PLCB1: variants seen among roughly 807,000 people sequenced by gnomAD.
PLCB1 encodes phospholipase C beta 1.
In PLCB1, 46 loss-of-function variants were observed where a neutral mutation model predicts 161.8. That is an observed-to-expected ratio of 0.28 (90% CI 0.22 to 0.36). PLCB1 has a LOEUF of 0.36. Ranked by LOEUF, PLCB1 falls within the 10% of genes least tolerant of loss-of-function variation. The probability of loss-of-function intolerance (pLI) is 1.00; values close to 1 mark genes in which losing one functional copy is unlikely to be tolerated. For missense variants in PLCB1, 1,016 were observed against 1,472.5 expected, an observed-to-expected ratio of 0.69 and a Z score of 5.07; for synonymous variants, 517 against 503.7, an observed-to-expected ratio of 1.03 and a Z score of -0.35.
At chr20:8,568,269 AT>A (rs1986404297) in intron 3 of PLCB1, among the ~76,000 whole-genome samples, 1 of 152,156 alleles carries the variant, frequency 6.6e-6, no homozygotes, top group African/African-American at 2.4e-5. Context: ...ACCTCTGAGA[AT>A]TTTCTAGCCA....
chr20:8,439,269 G>A (rs1351780234), intron 3 of PLCB1, among the ~76,000 whole-genome samples: 3 of 152,142 alleles, frequency 2.0e-5, no homozygotes, highest in Non-Finnish European at 2.9e-5. Context: ...AAGCCTCCAG[G>A]CATCTAGCAG....
intron 4 of PLCB1, among the ~76,000 whole-genome samples, chr20:8,636,280 A>T (rs1988760804): frequency 6.6e-6 from 1 of 152,010 alleles, no homozygotes; most frequent in South Asian, 2.1e-4. Context: ...ATTATATTAA[A>T]AAAAAATGCC....
intron 1 of PLCB1, among the ~76,000 whole-genome samples, chr20:8,140,824 G>C (rs2051395306): frequency 6.6e-6 from 1 of 151,428 alleles, no homozygotes; most frequent in African/African-American, 2.4e-5. Flanking sequence ...TTTAGACGGA[G>C]TTTTGCTCTT....
intron 2 of PLCB1, among the ~76,000 whole-genome samples, chr20:8,367,064 A>G (rs1986733290): frequency 6.6e-6 from 1 of 152,212 alleles, no homozygotes; most frequent in African/African-American, 2.4e-5. Flanking sequence ...ATTTAATCCT[A>G]AAGAGAAATT....
chr20:8,528,958 G>GA (rs1339582361), intron 3 of PLCB1, among the ~76,000 whole-genome samples: 11 of 151,780 alleles, frequency 7.2e-5, no homozygotes, highest in Non-Finnish European at 1.3e-4. Flanking sequence ...CTTCAACAGT[G>GA]AAAAAAACAG....
chr20:8,629,810 TTCTTTC>T lies in PLCB1; in HGVS notation c.384+1381_384+1386del. 2.6e-5 allele frequency among the ~76,000 whole-genome samples: 2 copies of T among 76,580 alleles called. 1 individual carries two copies. The highest frequency in any genetic ancestry group is 0.011 in the Middle Eastern group (2 of 190). The allele number at this position is 76,580 out of a possible 152,430, so 50.2% of individuals were successfully genotyped here. A position where few individuals can be genotyped will look rare whatever the true frequency, so the allele number is the denominator to read the frequency against. ...CCTTCCTTTCTTTCTTTTCTTTCTTTTCTTTCTTTTCTTTCTTTCTTTCTTTCTTTC... is the reference window on the plus strand; with the variant it reads ...CCTTCCTTTCTTTCTTTTCTTTCTTTTTTTCTTTCTTTCTTTCTTTCTTTC... On this transcript the variant is annotated intron_variant, in intron 4 of 31. Transcript: ENST00000338037.
intron 3 of PLCB1, among the ~76,000 whole-genome samples, chr20:8,526,017 C>T (rs766856138): frequency 4.0e-5 from 6 of 151,864 alleles, no homozygotes; most frequent in Non-Finnish European, 5.9e-5. Context: ...ACTTTTGGAG[C>T]GGGATAGTAA....
rs1981314226 is a variant in PLCB1, at chr20:8,254,564, CA to C, written c.177+104195del. ...TCCTCTTTCCTGAGGAGTGCTTAAT[CA>C]AGAAAAAAAAAGGCTTTTCTTCATA... On this transcript the variant is annotated intron_variant, in intron 2 of 31. Coordinates refer to ENST00000338037, the MANE Select transcript of PLCB1 (RefSeq NM_015192.4). Among the ~76,000 whole-genome samples, 10 of 141,430 alleles carry C rather than the reference CA, an allele frequency of 7.1e-5. No homozygotes were observed. The South Asian group carries it at 2.3e-3, about 33-fold the overall frequency. The allele number at this position is 141,430 out of a possible 152,430, so 92.8% of individuals were successfully genotyped here.
intron 2 of PLCB1, among the ~76,000 whole-genome samples, chr20:8,313,739 G>T (rs965903662): frequency 1.3e-5 from 2 of 151,712 alleles, no homozygotes; most frequent in African/African-American, 4.9e-5. Context: ...CACTGACCTT[G>T]ACCTTTCTCA....
intron 11 of PLCB1, among the ~76,000 whole-genome samples, chr20:8,703,982 G>A (rs1978518660): frequency 6.6e-6 from 1 of 152,184 alleles, no homozygotes. Context: ...AATGAGGTGA[G>A]CCTACAATCC....
chr20:8,551,874 G>T (rs1985787437), intron 3 of PLCB1, among the ~76,000 whole-genome samples: 1 of 152,106 alleles, frequency 6.6e-6, no homozygotes, highest in South Asian at 2.1e-4. Flanking sequence ...CTGCAAAAGG[G>T]AATGCCTTTG....
chr20:8,544,250 A>G (rs987211871), intron 3 of PLCB1, among the ~76,000 whole-genome samples: 2 of 152,212 alleles, frequency 1.3e-5, no homozygotes, highest in African/African-American at 4.8e-5. Flanking sequence ...ATTTCTCTCT[A>G]AGCCAGAAGA....
At chr20:8,839,510 A>C (rs1417937216) in intron 31 of PLCB1, among the ~76,000 whole-genome samples, 1 of 152,134 alleles carries the variant, frequency 6.6e-6, no homozygotes. Context: ...GTCTAGATTT[A>C]ATATTATGTG....
intron 2 of PLCB1, among the ~76,000 whole-genome samples, chr20:8,177,481 G>C (rs2051795504): frequency 6.6e-6 from 1 of 152,054 alleles, no homozygotes. Flanking sequence ...ACTGCTCTGG[G>C]AGAAATGATT....
At chr20:8,407,513 A>T (rs1252063925) in intron 3 of PLCB1, among the ~76,000 whole-genome samples, 1 of 152,210 alleles carries the variant, frequency 6.6e-6, no homozygotes, top group Non-Finnish European at 1.5e-5. Flanking sequence ...TGGCGGCAAG[A>T]GAAAAATGAG....
intron 1 of PLCB1, among the ~76,000 whole-genome samples, chr20:8,142,948 C>T (rs1406276843): frequency 6.6e-6 from 1 of 152,182 alleles, no homozygotes; most frequent in Non-Finnish European, 1.5e-5. Context: ...AAATACCTCA[C>T]CTTCTGCATT....
chr20:8,753,791 C>A (rs551209280), intron 23 of PLCB1, among the ~76,000 whole-genome samples: 96 of 152,276 alleles, frequency 6.3e-4, no homozygotes, highest in African/African-American at 2.2e-3. Context: ...TTTCTCAAAA[C>A]CTGGGTGGAA....
At chr20:8,821,494 AAAATATGTATATATATATATATATAT>A (rs1316715358) in intron 31 of PLCB1, among the ~76,000 whole-genome samples, 1 of 42,364 alleles carries the variant, frequency 2.4e-5, no homozygotes, top group Non-Finnish European at 3.8e-5. Context: ...AAAAAAAAAA[AAAATATGTATATATATATATATATAT>A]ATATATATAT....
intron 3 of PLCB1, among the ~76,000 whole-genome samples, chr20:8,534,647 TGG>T (rs1174341973): frequency 1.3e-3 from 194 of 152,246 alleles, no homozygotes; most frequent in African/African-American, 4.6e-3. Context: ...CTCAGAGAGC[TGG>T]GATGTTGTCA....
Sources: gnomAD v4.1 joint callset for allele counts (sites outside exome capture counted in the v4.1 genomes callset) on GRCh38, gnomAD v4.1.1 for gene constraint, MANE v1.5 for transcripts, NCBI Gene and HGNC (gene_info 2026-07-23, HGNC 2026-07-21) for gene names.